Variants in MKLN1 observed in about 807,000 individuals in gnomAD.
The protein encoded by MKLN1 is muskelin.
MKLN1 carries 18 observed loss-of-function variants against 99.0 expected under a neutral mutation model. That is an observed-to-expected ratio of 0.18 (90% confidence interval 0.13 to 0.27). The LOEUF (loss-of-function observed/expected upper bound fraction) is 0.27. Ranked by LOEUF, MKLN1 falls within the 10% of genes least tolerant of loss-of-function variation. The pLI, the probability that MKLN1 is intolerant of heterozygous loss-of-function variation, is 1.00. For synonymous variants in MKLN1, 288 were observed against 293.2 expected (o/e 0.98, Z 0.18); for missense variants, 621 against 875.9 (o/e 0.71, Z 3.67).
intron 3 of MKLN1, among the ~76,000 whole-genome samples, chr7:131,289,672 T>A (rs553980068): frequency 6.6e-6 from 1 of 152,206 alleles, no homozygotes; most frequent in Non-Finnish European, 1.5e-5. Flanking sequence ...GGGGCAGTTA[T>A]TTAACTTTCC....
chr7:131,186,734 G>A (rs1435095367), intron 2 of MKLN1, among the ~76,000 whole-genome samples: 1 of 152,188 alleles, frequency 6.6e-6, no homozygotes, highest in Non-Finnish European at 1.5e-5. Context: ...TAACTTCAAT[G>A]AAATGACAGG....
intron 1 of MKLN1, among the ~76,000 whole-genome samples, chr7:131,111,704 T>TCAG (rs1026605215): frequency 2.1e-4 from 32 of 152,254 alleles, no homozygotes; most frequent in Middle Eastern, 3.4e-3. Context: ...TCTTCATTCC[T>TCAG]CAGCACTAGA....
intron 10 of MKLN1, 135 bp downstream of exon 10, chr7:131,438,132 G>A (rs1054161331): frequency 2.0e-5 from 14 of 685,388 alleles, no homozygotes; most frequent in African/African-American, 5.4e-5. Context: ...AGTAATAATT[G>A]TTGTTTCAGT....
chr7:131,251,256 A>G (rs1797574057), intron 3 of MKLN1, among the ~76,000 whole-genome samples: 1 of 152,220 alleles, frequency 6.6e-6, no homozygotes, highest in Admixed American at 6.5e-5. Context: ...TATAATCATT[A>G]AGCAAGAAAT....
intron 2 of MKLN1, among the ~76,000 whole-genome samples, chr7:131,169,260 C>T (rs758124995): frequency 1.1e-4 from 17 of 152,164 alleles, no homozygotes; most frequent in Non-Finnish European, 1.9e-4. Flanking sequence ...TTAAGATAGC[C>T]TAAGTTAACT....
In MKLN1 at chr7:131,494,655, C is replaced by T. The variant is rs2116738098; in HGVS notation, c.*6927C>T. On this transcript the variant is annotated 3_prime_UTR_variant, in exon 18 of 18. Transcript: ENST00000352689. ...CAATTGTAAACAATTTTCTTCCTTA[C>T]TTACAAATCATCCGTTCAGAAAAAT... 6.6e-6 allele frequency: 1 copy of T among 152,134 alleles called. No individual in the cohort carries two copies. Among genetic ancestry groups the T allele is most frequent in the African/African-American group, 2.4e-5 (1 of 41,504 alleles). The allele number at this position is 152,134 out of a possible 1,614,324, so 9.4% of individuals were successfully genotyped here.
chr7:131,463,472 T>C (rs1584769453), intron 13 of MKLN1, 108 bp downstream of exon 13: 5 of 1,185,342 alleles, frequency 4.2e-6, no homozygotes, highest in East Asian at 2.4e-5. Context: ...TGTGACATTG[T>C]ATATTTAAAA....
chr7:131,476,098 A>G (rs944387617), intron 16 of MKLN1, among the ~76,000 whole-genome samples: 2 of 152,332 alleles, frequency 1.3e-5, no homozygotes, highest in Admixed American at 6.5e-5. Context: ...AAGAAAATTC[A>G]GACTCATTCA....
At chr7:131,316,348 T>C (rs112962149) in intron 3 of MKLN1, among the ~76,000 whole-genome samples, 6,592 of 152,250 alleles carry the variant, frequency 0.043, 433 homozygotes, top group African/African-American at 0.15. Context: ...TGCAGCAGAC[T>C]TGCAGAAGAG....
intron 16 of MKLN1, 61 bp downstream of exon 16, chr7:131,471,005 T>A: frequency 8.6e-7 from 1 of 1,163,318 alleles, no homozygotes; most frequent in East Asian, 2.4e-5. Context: ...TCCTAACTTA[T>A]ATTTAATGAT....
intron 1 of MKLN1, among the ~76,000 whole-genome samples, chr7:131,113,807 C>G (rs1259618699): frequency 6.6e-6 from 1 of 152,076 alleles, no homozygotes; most frequent in Non-Finnish European, 1.5e-5. Context: ...CTGGGGAAAC[C>G]TACAATCATG....
At chr7:131,229,763 G>T (rs114502498) in intron 3 of MKLN1, among the ~76,000 whole-genome samples, 2,118 of 151,900 alleles carry the variant, frequency 0.014, 40 homozygotes, top group African/African-American at 0.049. Flanking sequence ...CATGTTGCCC[G>T]GGCTGGTGTC....
intron 16 of MKLN1, among the ~76,000 whole-genome samples, chr7:131,475,016 C>T (rs965142634): frequency 6.6e-6 from 1 of 152,132 alleles, no homozygotes; most frequent in Non-Finnish European, 1.5e-5. Flanking sequence ...AACTCACTAT[C>T]ACAAGAACAG....
intron 2 of MKLN1, among the ~76,000 whole-genome samples, chr7:131,144,779 A>T (rs1584789548): frequency 6.6e-6 from 1 of 151,898 alleles, no homozygotes; most frequent in South Asian, 2.1e-4. Context: ...GGAGTTCAAG[A>T]CCAGCCTGAC....
At chr7:131,464,458 A>G (rs1796603781) in intron 14 of MKLN1, 50 bp downstream of exon 14, 1 of 1,037,208 alleles carries the variant, frequency 9.6e-7, no homozygotes, top group Non-Finnish European at 1.5e-6. Context: ...ACTATCTGAA[A>G]CAATCCCCAA....
chr7:131,169,847 C>T (rs1796191064), intron 2 of MKLN1, among the ~76,000 whole-genome samples: 2 of 152,116 alleles, frequency 1.3e-5, no homozygotes, highest in Admixed American at 1.3e-4. Flanking sequence ...AATAGAATTT[C>T]CCAAGAAATA....
chr7:131,268,672 C>T (rs1422443172), intron 3 of MKLN1, among the ~76,000 whole-genome samples: 1 of 152,130 alleles, frequency 6.6e-6, no homozygotes, highest in African/African-American at 2.4e-5. Flanking sequence ...ATCACTTTCA[C>T]ATGCCTTTGA....
chr7:131,333,185 A>G (rs1458108527), intron 1 of MKLN1, among the ~76,000 whole-genome samples: 1 of 151,988 alleles, frequency 6.6e-6, no homozygotes, highest in Admixed American at 6.5e-5. Flanking sequence ...TGGCCTCCCT[A>G]AGTGCTGGGA....
chr7:131,422,032 T>G (rs1373994657), intron 8 of MKLN1, among the ~76,000 whole-genome samples: 1 of 152,178 alleles, frequency 6.6e-6, no homozygotes, highest in African/African-American at 2.4e-5. Context: ...AAGTAGAGTT[T>G]GAACAACCAG....
Sources: allele counts gnomAD v4.1 joint callset (sites outside exome capture counted in the v4.1 genomes callset), GRCh38; gene constraint gnomAD v4.1.1; transcripts MANE v1.5; gene names NCBI Gene and HGNC (gene_info 2026-07-23, HGNC 2026-07-21).